CDH16: variants seen among roughly 807,000 people sequenced by gnomAD.
The protein encoded by CDH16 is cadherin 16.
In CDH16, 79 loss-of-function variants were observed where a neutral mutation model predicts 87.6. The ratio of observed to expected loss-of-function variants is 0.90; its 90% CI spans 0.75 to 1.09. CDH16 has a LOEUF of 1.09. Among genes scored for constraint, CDH16 ranks in the 50% least tolerant of loss-of-function variants. The pLI is 0.00. For missense variants in CDH16, 1,124 were observed against 1,071.7 expected, an observed-to-expected ratio of 1.05 and a Z score of -0.68; for synonymous variants, 457 against 439.5, an observed-to-expected ratio of 1.04 and a Z score of -0.50.
rs1962692909 is a variant in CDH16, at chr16:66,916,500, C to T, written c.130-71G>A. On this transcript the variant is annotated intron_variant, in intron 3 of 17. Coordinates refer to ENST00000299752, the MANE Select transcript of CDH16 (RefSeq NM_004062.4). The surrounding 1 kb of genome is among the most constrained non-coding windows in gnomAD (Gnocchi z 4.1). ...GAGATGCCCCTCCTCCACCTGATGGCCTCATTTTACATGTGGGGAAACTGA... is the reference window on the plus strand; with the variant it reads ...GAGATGCCCCTCCTCCACCTGATGGTCTCATTTTACATGTGGGGAAACTGA... 2 of 1,477,582 alleles carry T rather than the reference C, an allele frequency of 1.4e-6. No individual in the cohort carries two copies. Among genetic ancestry groups the T allele is most frequent in the African/African-American group, 1.4e-5 (1 of 71,212 alleles). The allele number at this position is 1,477,582 out of a possible 1,614,324, so 91.5% of individuals were successfully genotyped here.
Position 66,913,627 on chromosome 16 carries a change from C to G in CDH16, c.781-14G>C, listed in dbSNP as rs1962538398. The G allele has an allele frequency of 6.2e-7, 1 of 1,613,366 alleles. No individual in the cohort carries two copies. The highest frequency in any genetic ancestry group is 1.7e-5 in the Admixed American group (1 of 59,946). On this transcript the variant is annotated splice_polypyrimidine_tract_variant and intron_variant, in intron 7 of 17. Transcript: ENST00000299752. ...ACTCCAGTGTACCTGGGGGGGACAC[C>G]CCGGGCCAAGGGGCAGGAACAATCC...
Position 66,916,242 on chromosome 16 carries a change from C to T in CDH16, c.285+32G>A, listed in dbSNP as rs745325349. On this transcript the variant is annotated intron_variant, in intron 4 of 17. Coordinates refer to ENST00000299752, the MANE Select transcript of CDH16 (RefSeq NM_004062.4). This position sits in a 1 kb window ranked among gnomAD's most constrained non-coding sequence, Gnocchi z 4.1. ...GGAGTCAGCGTCTGGCTCTGCCTTG[C>T]CTGCTCTCCCCTACACCTGGCCCAG... The T allele has an allele frequency of 3.1e-6, 5 of 1,614,016 alleles. No individual in the cohort carries two copies. The South Asian group carries it at 3.3e-5, about 11-fold the overall frequency.
intron 7 of CDH16, 75 bp downstream of exon 7, chr16:66,914,141 C>T (rs1215278931): frequency 2.3e-6 from 3 of 1,322,506 alleles, no homozygotes; most frequent in Non-Finnish European, 3.2e-6. Context: ...GACCCAGCCC[C>T]CAAATATCCA....
intron 5 of CDH16, 129 bp from the exon 6 acceptor site, chr16:66,915,507 C>T (rs542305162): frequency 9.7e-6 from 10 of 1,034,840 alleles, no homozygotes; most frequent in East Asian, 2.7e-5. Context: ...AGATGAGCCA[C>T]GGCTTTTCGT....
chr16:66,909,860 G>A lies in CDH16; in HGVS notation c.2275+126C>T. ...CCCAGGTATGTGTGCCCAGCCATAG[G>A]TGTGCAAGTGTGCACAGGCATGTGC... is the stretch of plus-strand genomic sequence containing the variant. On this transcript the variant is annotated intron_variant, in intron 16 of 17. Coordinates refer to ENST00000299752, the MANE Select transcript of CDH16 (RefSeq NM_004062.4). The surrounding 1 kb of genome is among the most constrained non-coding windows in gnomAD (Gnocchi z 4.1). The A allele has an allele frequency of 4.3e-6, 3 of 693,822 alleles. No homozygotes were observed. The highest frequency in any genetic ancestry group is 7.5e-6 in the Non-Finnish European group (3 of 399,262). 43.0% of individuals were successfully genotyped at this position (693,822 alleles called of 1,614,324 possible). A position where few individuals can be genotyped will look rare whatever the true frequency, so the allele number is the denominator to read the frequency against.
chr16:66,913,418 G>C, intron 8 of CDH16, 73 bp downstream of exon 8: 1 of 1,604,158 alleles, frequency 6.2e-7, no homozygotes, highest in East Asian at 2.2e-5. Flanking sequence ...TTGTAGTTGT[G>C]ACACCCCCAA....
chr16:66,912,339 C>T lies in CDH16; in HGVS notation c.1451G>A (p.Arg484His), dbSNP rs542519457. 9.3e-5 allele frequency: 150 copies of T among 1,614,106 alleles called. No homozygotes were observed. Among genetic ancestry groups the T allele is most frequent in the Non-Finnish European group, 1.2e-4 (140 of 1,180,016 alleles). Residue 484 changes from arginine to histidine, a missense_variant, in exon 12 of 18, where the codon CGC becomes CAC. Physicochemically the swap from Arg to His is conservative, Grantham distance 29. Coordinates refer to ENST00000299752, the MANE Select transcript of CDH16 (RefSeq NM_004062.4). ...AIDADLEPAFRLMDFAIERGD... is the reference protein window; with the variant it reads ...AIDADLEPAFHLMDFAIERGD... ...CCTCTCAATGGCAAAATCCATGAGG[C>T]GGAAGGCGGGCTCGAGGTCAGCATC... is the stretch of plus-strand genomic sequence containing the variant.
chr16:66,911,493 T>C (rs1596973986), intron 13 of CDH16, among the ~76,000 whole-genome samples, 178 bp from the exon 14 acceptor site: 1 of 152,036 alleles, frequency 6.6e-6, no homozygotes, highest in South Asian at 2.1e-4. Flanking sequence ...GTGGTGGTGG[T>C]GGTGGGTGTG....
Position 66,908,434 on chromosome 16 carries a change from C to T in CDH16, c.2448G>A (p.Pro816=), listed in dbSNP as rs370771037. The T allele has an allele frequency of 1.2e-4, 199 of 1,613,956 alleles. No homozygotes were observed. Among genetic ancestry groups the T allele is most frequent in the Non-Finnish European group, 1.5e-4 (181 of 1,180,018 alleles). Residue 816 remains proline (P), a synonymous_variant, in exon 18 of 18, where the codon CCG becomes CCA. Transcript: ENST00000299752. The part of the protein sequence containing the change: ...THWTMSRKKD[P]DQPADSVPLK... ...GGGGCACGCTGTCTGCTGGTTGATC[C>T]GGGTCCTTCTTCCTTGACATGGTCC...
chr16:66,911,083 G>T (rs967988030), intron 14 of CDH16, 99 bp downstream of exon 14: 2 of 1,224,120 alleles, frequency 1.6e-6, no homozygotes, highest in African/African-American at 1.5e-5. Context: ...GGGGCTGGGG[G>T]TTGCCAGTGA....
intron 6 of CDH16, 72 bp downstream of exon 6, chr16:66,915,148 C>CT: frequency 7.0e-7 from 1 of 1,432,392 alleles, no homozygotes; most frequent in African/African-American, 1.4e-5. Flanking sequence ...CCATGCTTGT[C>CT]TTATGGTTCA....
rs370036408 is a variant in CDH16, at chr16:66,913,216, G to T, written c.969C>A (p.His323Gln). The T allele has an allele frequency of 3.8e-6, 6 of 1,595,960 alleles. No individual in the cohort carries two copies. Among genetic ancestry groups the T allele is most frequent in the Non-Finnish European group, 5.1e-6 (6 of 1,171,602 alleles). The change falls in exon 9 of 18, where the codon CAC (histidine) becomes CAA (glutamine). Residue 323 changes from histidine to glutamine, a missense_variant. Coordinates refer to ENST00000299752, the MANE Select transcript of CDH16 (RefSeq NM_004062.4). Reference sequence around the variant, plus strand: ...TGTCATTCTCATCCATCACCAGCACGTGCAGCTCCAGAGGGGCCGCATAGT... The same window carrying T: ...TGTCATTCTCATCCATCACCAGCACTTGCAGCTCCAGAGGGGCCGCATAGT... ...GEDYAAPLEL[H>Q]VLVMDENDNV...
chr16:66,915,885 T>C (rs1474014063), intron 5 of CDH16, among the ~76,000 whole-genome samples, 180 bp downstream of exon 5: 3 of 151,458 alleles, frequency 2.0e-5, no homozygotes, highest in African/African-American at 7.3e-5. Context: ...TGGGTGACAG[T>C]GAGTCTCCAT....
At chr16:66,908,572 T>C in intron 17 of CDH16, 83 bp from the exon 18 acceptor site, 2 of 1,084,586 alleles carry the variant, frequency 1.8e-6, no homozygotes, top group South Asian at 1.3e-5. Context: ...GTGATTGGCA[T>C]TGGATTAATG....
intron 7 of CDH16, 135 bp downstream of exon 7, chr16:66,914,080 TG>T: frequency 1.4e-6 from 1 of 722,846 alleles, no homozygotes; most frequent in Non-Finnish European, 2.3e-6. Flanking sequence ...CAGTCCACAG[TG>T]GGAAGTAATG....
In CDH16 at chr16:66,912,040, G is replaced by A. The variant is rs368970906; in HGVS notation, c.1649C>T (p.Thr550Met). ...CACTCTCTCCACTAGCACAGTCACC[G>A]TGGCGGTGGCTCCAGGGCCTGGGCC... ...GPGPGPGATATVTVLVERVMP... is the reference protein window; with the variant it reads ...GPGPGPGATAMVTVLVERVMP... Residue 550 changes from threonine (T) to methionine (M), a missense_variant, in exon 13 of 18, where the codon ACG becomes ATG. Transcript: ENST00000299752. 1.2e-5 allele frequency: 20 copies of A among 1,614,012 alleles called. No homozygotes were observed. In the East Asian group the frequency reaches 2.5e-4, roughly 20 times the overall value.
chr16:66,911,456 T>C (rs1962412850), intron 13 of CDH16, 141 bp from the exon 14 acceptor site: 1 of 807,588 alleles, frequency 1.2e-6, no homozygotes, highest in Non-Finnish European at 1.9e-6. Flanking sequence ...GGGGGCCCAG[T>C]CTCTCTCTCC....
In CDH16 at chr16:66,909,114, A is replaced by G. The variant is rs949841948; in HGVS notation, c.2392+153T>C. Among the ~76,000 whole-genome samples, 5 of 152,214 alleles carry G rather than the reference A, an allele frequency of 3.3e-5. No homozygotes were observed. Among genetic ancestry groups the G allele is most frequent in the African/African-American group, 1.2e-4 (5 of 41,462 alleles). ...ACTATCAATGATGATGACAATGACT[A>G]TGATCAAAGGGCAGGCGCATAATGA... is the stretch of plus-strand genomic sequence containing the variant. On this transcript the variant is annotated intron_variant, in intron 17 of 17. Transcript: ENST00000299752. This position sits in a 1 kb window ranked among gnomAD's most constrained non-coding sequence, Gnocchi z 4.1.
In CDH16 at chr16:66,913,570, T is replaced by C. The variant is rs1962532528; in HGVS notation, c.824A>G (p.His275Arg). 6.2e-7 allele frequency: 1 copy of C among 1,614,114 alleles called. No homozygotes were observed. Among genetic ancestry groups the C allele is most frequent in the Non-Finnish European group, 8.5e-7 (1 of 1,179,988 alleles). ...ATTCACTTCAAAGGGTCCCGGGGGA[T>C]GGCTCTCCAGGTGATAGTGCACATC... ...GGDVHYHLES[H>R]PPGPFEVNAE... The change falls in exon 8 of 18, where the codon CAT becomes CGT. Residue 275 changes from histidine to arginine, a missense_variant. By Grantham distance (29) the His-to-Arg change is conservative (BLOSUM62 0). Coordinates refer to ENST00000299752, the MANE Select transcript of CDH16 (RefSeq NM_004062.4).
Sources: allele counts gnomAD v4.1 joint callset (sites outside exome capture counted in the v4.1 genomes callset), GRCh38; gene constraint gnomAD v4.1.1; non-coding constraint Gnocchi (gnomAD v3.1); transcripts MANE v1.5; gene names NCBI Gene and HGNC (gene_info 2026-07-23, HGNC 2026-07-21).